PLAC8: variants seen among roughly 807,000 people sequenced by gnomAD.
The protein encoded by PLAC8 is placenta associated 8.
In PLAC8, 6 loss-of-function variants were observed where a neutral mutation model predicts 12.6. The ratio of observed to expected loss-of-function variants is 0.48; its 90% CI spans 0.26 to 0.94. PLAC8 has a LOEUF of 0.94. Ranked by LOEUF, PLAC8 falls within the 40% of genes least tolerant of loss-of-function variation. The probability of loss-of-function intolerance (pLI) is 0.14; values close to 1 mark genes in which losing one functional copy is unlikely to be tolerated. For missense variants in PLAC8, 122 were observed against 152.7 expected (o/e 0.80, Z 1.06); for synonymous variants, 54 against 52.6 (o/e 1.03, Z -0.11).
chr4:83,103,948 G>A (rs372596426), intron 3 of PLAC8, among the ~76,000 whole-genome samples: 1 of 152,234 alleles, frequency 6.6e-6, no homozygotes, highest in African/African-American at 2.4e-5. Context: ...GATTATAGGT[G>A]TGAGCCACCA....
intron 1 of PLAC8, among the ~76,000 whole-genome samples, chr4:83,112,539 T>C (rs1238958061): frequency 6.6e-6 from 1 of 152,204 alleles, no homozygotes; most frequent in African/African-American, 2.4e-5. Context: ...AGAAGTCTAC[T>C]CGGCTTATCC....
chr4:83,107,033 C>CTAGT (rs1732258540), intron 2 of PLAC8, among the ~76,000 whole-genome samples: 1 of 152,056 alleles, frequency 6.6e-6, no homozygotes, highest in African/African-American at 2.4e-5. Context: ...AACCTTGTCT[C>CTAGT]TACTAAAAAT....
chr4:83,105,544 T>G (rs570747324), intron 2 of PLAC8, among the ~76,000 whole-genome samples: 6 of 152,324 alleles, frequency 3.9e-5, no homozygotes, highest in African/African-American at 1.4e-4. Flanking sequence ...CAAAGGCTAG[T>G]GTTCATTCAA....
At chr4:83,108,822 T>C (rs1022351652) in intron 1 of PLAC8, among the ~76,000 whole-genome samples, 3 of 152,238 alleles carry the variant, frequency 2.0e-5, no homozygotes, top group East Asian at 1.9e-4. Flanking sequence ...AACTTTTGTG[T>C]ATATCCCCCC....
intron 3 of PLAC8, among the ~76,000 whole-genome samples, chr4:83,102,975 A>G (rs899023612): frequency 1.7e-4 from 25 of 151,296 alleles, no homozygotes; most frequent in African/African-American, 5.6e-4. Context: ...AATCCCAGCT[A>G]CTCAGGAGGC....
chr4:83,108,937 G>A (rs1217240567), intron 1 of PLAC8, among the ~76,000 whole-genome samples: 3 of 151,998 alleles, frequency 2.0e-5, no homozygotes, highest in African/African-American at 4.8e-5. Flanking sequence ...TATTTACTGG[G>A]AGCCTGCAAA....
chr4:83,099,709 T>G (rs529252048), intron 3 of PLAC8, among the ~76,000 whole-genome samples: 1 of 152,014 alleles, frequency 6.6e-6, no homozygotes, highest in African/African-American at 2.4e-5. Flanking sequence ...TAAAAGTGTG[T>G]AGCAGAGGCT....
chr4:83,101,873 AC>A (rs1051288251), intron 3 of PLAC8, among the ~76,000 whole-genome samples: 8 of 152,216 alleles, frequency 5.3e-5, no homozygotes, highest in African/African-American at 1.9e-4. Context: ...AAATGGAACC[AC>A]AAAACCTGAT....
At chr4:83,111,495 A>T (rs978760035) in intron 1 of PLAC8, among the ~76,000 whole-genome samples, 5 of 151,158 alleles carry the variant, frequency 3.3e-5, no homozygotes, top group Admixed American at 6.6e-5. Context: ...ATAAAAAAAT[A>T]AAAAAAAAGG....
At chr4:83,100,004 C>CA (rs775470981) in intron 3 of PLAC8, among the ~76,000 whole-genome samples, 1,245 of 103,364 alleles carry the variant, frequency 0.012, 12 homozygotes, top group African/African-American at 0.034. Flanking sequence ...GACTCTGTCT[C>CA]AAAAAAAAAA....
intron 1 of PLAC8, among the ~76,000 whole-genome samples, chr4:83,112,196 A>G (rs1732439116): frequency 4.7e-5 from 1 of 21,430 alleles, no homozygotes; most frequent in Non-Finnish European, 1.3e-4. Context: ...ATTTATATAT[A>G]TATATATGTA....
chr4:83,092,504 G>T (rs757600865), intron 4 of PLAC8, among the ~76,000 whole-genome samples: 70 of 150,114 alleles, frequency 4.7e-4, no homozygotes, highest in Non-Finnish European at 8.3e-4. Context: ...GTCTCCCAAA[G>T]TGTTGGGATT....
At chr4:83,091,772 A>G (rs186658569) in intron 4 of PLAC8, among the ~76,000 whole-genome samples, 326 of 152,294 alleles carry the variant, frequency 2.1e-3, no homozygotes, top group African/African-American at 7.6e-3. Flanking sequence ...TCTCCCATAC[A>G]GAAATTCTCC....
chr4:83,110,398 G>T (rs1313189433), intron 1 of PLAC8, among the ~76,000 whole-genome samples: 1 of 152,122 alleles, frequency 6.6e-6, no homozygotes, highest in Non-Finnish European at 1.5e-5. Flanking sequence ...ACCTTGCAAT[G>T]ATTCCGTTTT....
intron 1 of PLAC8, chr4:83,109,610 C>T (rs1391719687): frequency 6.6e-6 from 1 of 152,248 alleles, no homozygotes; most frequent in Non-Finnish European, 1.5e-5. Context: ...TGCCTTCGGG[C>T]CTCTTCCAGG....
At chr4:83,111,685 T>A (rs1028617662) in intron 1 of PLAC8, among the ~76,000 whole-genome samples, 4 of 152,224 alleles carry the variant, frequency 2.6e-5, no homozygotes, top group Non-Finnish European at 5.9e-5. Flanking sequence ...TTCTGTTTTT[T>A]AATATAATAA....
At chr4:83,108,633 A>C (rs559839059) in intron 1 of PLAC8, among the ~76,000 whole-genome samples, 1 of 152,290 alleles carries the variant, frequency 6.6e-6, no homozygotes, top group African/African-American at 2.4e-5. Context: ...AATTCACGGA[A>C]CTGGGAAGGT....
chr4:83,104,829 C>G, intron 3 of PLAC8, 67 bp downstream of exon 3: 1 of 1,520,520 alleles, frequency 6.6e-7, no homozygotes, highest in Admixed American at 1.7e-5. Flanking sequence ...CAAATGATCT[C>G]CATGTTTATA....
chr4:83,104,343 G>A (rs1209827279), intron 3 of PLAC8, among the ~76,000 whole-genome samples: 5 of 150,720 alleles, frequency 3.3e-5, no homozygotes, highest in East Asian at 3.9e-4. Flanking sequence ...ATATATATGT[G>A]TGTATACACA....
Sources: allele counts gnomAD v4.1 joint callset (sites outside exome capture counted in the v4.1 genomes callset), GRCh38; gene constraint gnomAD v4.1.1; transcripts MANE v1.5; gene names NCBI Gene and HGNC (gene_info 2026-07-23, HGNC 2026-07-21).